The following IMMT variants were observed in gnomAD, a reference collection of about 807,000 sequenced individuals.
IMMT encodes the protein inner membrane mitochondrial protein.
IMMT carries 40 observed loss-of-function variants against 92.7 expected under a neutral mutation model. The ratio of observed to expected loss-of-function variants is 0.43; its 90% confidence interval spans 0.34 to 0.56. The LOEUF (loss-of-function observed/expected upper bound fraction) is 0.56, where lower values mean the gene tolerates loss of function less well. IMMT is among the 20% of genes least tolerant of loss of function. IMMT has a pLI of 0.03. For synonymous variants in IMMT, 322 were observed against 336.1 expected, an observed-to-expected ratio of 0.96 and a Z score of 0.46; for missense variants, 831 against 912.1, an observed-to-expected ratio of 0.91 and a Z score of 1.14.
intron 1 of IMMT, among the ~76,000 whole-genome samples, chr2:86,185,423 G>A (rs897762204): frequency 6.6e-6 from 1 of 152,130 alleles, no homozygotes; most frequent in Non-Finnish European, 1.5e-5. Flanking sequence ...TCTAGTGTGT[G>A]ACCAAAAGAT....
chr2:86,186,210 G>C (rs1005614299), intron 1 of IMMT, among the ~76,000 whole-genome samples: 5 of 152,226 alleles, frequency 3.3e-5, no homozygotes, highest in African/African-American at 1.2e-4. Context: ...ACAAGATCTT[G>C]TTCCTAATGC....
At chr2:86,166,428 A>C in intron 7 of IMMT, 80 bp downstream of exon 7, 1 of 1,329,530 alleles carries the variant, frequency 7.5e-7, no homozygotes, top group Non-Finnish European at 1.0e-6. Context: ...TAAATATTAC[A>C]CTTCTCTCCA....
Position 86,170,987 on chromosome 2 carries a change from ATT to A in IMMT, c.560-145_560-144del, listed in dbSNP as rs549856387. The A allele has an allele frequency of 1.7e-4, 119 of 703,088 alleles. 1 individual carries two copies. In the Admixed American group the frequency reaches 2.9e-3, roughly 17 times the overall value. 43.6% of individuals were successfully genotyped at this position (703,088 alleles called of 1,614,324 possible). Reference sequence around the variant, plus strand: ...GTGTTAAGAATTCTAAAACCATATCATTACTCTTAATGATTCCAAAATGAAGA... The same window carrying A: ...GTGTTAAGAATTCTAAAACCATATCAACTCTTAATGATTCCAAAATGAAGA... On this transcript the variant is annotated intron_variant, in intron 5 of 14. Transcript: ENST00000410111.
Position 86,144,726 on chromosome 2 carries a change from C to T in IMMT, c.1819G>A (p.Glu607Lys). 1 of 1,613,920 alleles carries T rather than the reference C, an allele frequency of 6.2e-7. No homozygotes were observed. Among genetic ancestry groups the T allele is most frequent in the Non-Finnish European group, 8.5e-7 (1 of 1,179,888 alleles). Residue 607 changes from glutamate (E) to lysine (K), a missense_variant, in exon 15 of 15, where the codon GAA becomes AAA. Transcript: ENST00000410111. ...GCTGCGGTTAAAGCTTGGGTGAATTCATTATCAGAACAGTTGGCTTTGATG... is the reference window on the plus strand; with the variant it reads ...GCTGCGGTTAAAGCTTGGGTGAATTTATTATCAGAACAGTTGGCTTTGATG... ...EAIKANCSDN[E>K]FTQALTAAIP...
rs762196511 is a variant in IMMT at position 86,144,555 on chromosome 2, G to C, written c.1990C>G (p.Gln664Glu). The C allele has an allele frequency of 1.4e-5, 22 of 1,613,944 alleles. No homozygotes were observed. In the South Asian group the frequency reaches 2.3e-4, roughly 17 times the overall value. The stretch of plus-strand genomic sequence containing the variant: ...TGAGGTGGGAATAGGAGCAGGGACT[G>C]TAGGTAGGAGAGGAAGTACTGGTAC... ...SLYQYFLSYL[Q>E]SLLLFPPQQL... The change falls in exon 15 of 15, where the codon CAG (glutamine) becomes GAG (glutamate). Residue 664 changes from glutamine (Q) to glutamate (E), a missense_variant. Coordinates refer to ENST00000410111, the MANE Select transcript of IMMT (RefSeq NM_006839.3).
At chr2:86,172,831 C>T (rs12478369) in intron 4 of IMMT, among the ~76,000 whole-genome samples, 56,350 of 152,008 alleles carry the variant, frequency 0.37, 12,906 homozygotes, top group Non-Finnish European at 0.51. Flanking sequence ...ACATGACTTA[C>T]CCCCCTTATC....
At chr2:86,183,012 T>G (rs1248940768) in intron 1 of IMMT, among the ~76,000 whole-genome samples, 1 of 152,240 alleles carries the variant, frequency 6.6e-6, no homozygotes, top group African/African-American at 2.4e-5. Context: ...TAAAGTAGTA[T>G]GAAATTGTAA....
At chr2:86,174,762 T>C (rs1677320205) in intron 3 of IMMT, among the ~76,000 whole-genome samples, 1 of 152,222 alleles carries the variant, frequency 6.6e-6, no homozygotes. Flanking sequence ...CACTATATCA[T>C]GGACATTCTC....
At chr2:86,166,413 T>G in intron 7 of IMMT, 95 bp downstream of exon 7, 1 of 1,061,932 alleles carries the variant, frequency 9.4e-7, no homozygotes, top group Non-Finnish European at 1.4e-6. Flanking sequence ...AAGAAAGCAG[T>G]CTGTTAAATA....
At chr2:86,149,593 G>T (rs1286109696) in intron 12 of IMMT, among the ~76,000 whole-genome samples, 1 of 152,050 alleles carries the variant, frequency 6.6e-6, no homozygotes, top group East Asian at 1.9e-4. Context: ...ATTCCTTGGG[G>T]AAGGCCGGGC....
chr2:86,162,781 T>C (rs949084791), intron 7 of IMMT, among the ~76,000 whole-genome samples: 1 of 151,826 alleles, frequency 6.6e-6, no homozygotes. Flanking sequence ...GAGGCGGAGG[T>C]TGCAGTGAGC....
At chr2:86,161,926 GA>G (rs1558821493) in intron 8 of IMMT, 49 bp downstream of exon 8, 1 of 1,241,578 alleles carries the variant, frequency 8.1e-7, no homozygotes, top group Admixed American at 2.0e-5. Flanking sequence ...CCGGCCCAAA[GA>G]AAGCCACCAG....
chr2:86,147,900 G>A, intron 12 of IMMT, 67 bp from the exon 13 acceptor site: 2 of 1,512,384 alleles, frequency 1.3e-6, no homozygotes, highest in South Asian at 1.2e-5. Context: ...AAAACAGAAA[G>A]ACCACTATCA....
chr2:86,188,473 G>C (rs7562107), intron 1 of IMMT, among the ~76,000 whole-genome samples: 29 of 152,028 alleles, frequency 1.9e-4, no homozygotes, highest in African/African-American at 6.5e-4. Context: ...ACCGAGACTG[G>C]AGTGCTGTGG....
At chr2:86,174,600 A>G (rs6725372) in intron 3 of IMMT, among the ~76,000 whole-genome samples, 69,890 of 152,028 alleles carry the variant, frequency 0.46, 16,617 homozygotes, top group Non-Finnish European at 0.51. Flanking sequence ...CCACTCTCTT[A>G]GGTAGCCACT....
At chr2:86,146,721 A>T (rs910912391) in intron 13 of IMMT, among the ~76,000 whole-genome samples, 2 of 152,126 alleles carry the variant, frequency 1.3e-5, no homozygotes, top group African/African-American at 2.4e-5. Context: ...GAGGCATACC[A>T]AGAGAAGAGA....
Position 86,146,067 on chromosome 2 carries a change from C to G in IMMT, c.1663+1G>C. On this transcript the variant is annotated splice_donor_variant, in intron 14 of 14. Transcript: ENST00000410111. LOFTEE classifies it high-confidence loss of function. ...GTAAGATAAACATAGCTTATGCTTA[C>G]TCTGAACAGCCTGTTCGATTCCTCT... The G allele has an allele frequency of 6.4e-7, 1 of 1,563,312 alleles. No individual in the cohort carries two copies. Among genetic ancestry groups the G allele is most frequent in the Non-Finnish European group, 8.7e-7 (1 of 1,149,016 alleles).
At chr2:86,156,186 T>C (rs916630013) in intron 10 of IMMT, among the ~76,000 whole-genome samples, 1 of 152,170 alleles carries the variant, frequency 6.6e-6, no homozygotes, top group Non-Finnish European at 1.5e-5. Context: ...ACCCACTACA[T>C]GCCAGTAGCT....
At chr2:86,191,971 C>T (rs960236144) in intron 1 of IMMT, among the ~76,000 whole-genome samples, 1 of 152,060 alleles carries the variant, frequency 6.6e-6, no homozygotes, top group South Asian at 2.1e-4. Flanking sequence ...ATGGCTCACG[C>T]CTGTAATCCC....
Sources: gnomAD v4.1 joint callset for allele counts (sites outside exome capture counted in the v4.1 genomes callset) on GRCh38, gnomAD v4.1.1 for gene constraint, MANE v1.5 for transcripts, NCBI Gene and HGNC (gene_info 2026-07-23, HGNC 2026-07-21) for gene names.